The following HEXA variants were observed in gnomAD, a reference collection of about 807,000 sequenced individuals.
HEXA encodes the protein beta-hexosaminidase subunit alpha.
In HEXA, 54 loss-of-function variants were observed where a neutral mutation model predicts 73.3. The ratio of observed to expected loss-of-function variants is 0.74; its 90% CI spans 0.59 to 0.92. The LOEUF (loss-of-function observed/expected upper bound fraction) is 0.92, where lower values mean the gene tolerates loss of function less well. HEXA is among the 40% of genes least tolerant of loss of function. The pLI is 0.00. For synonymous variants in HEXA, 230 were observed against 246.9 expected (o/e 0.93, Z 0.64); for missense variants, 649 against 653.0 (o/e 0.99, Z 0.07).
chr15:72,352,461 A>G (rs1231371200), intron 5 of HEXA, among the ~76,000 whole-genome samples: 1 of 151,898 alleles, frequency 6.6e-6, no homozygotes, highest in East Asian at 1.9e-4. Context: ...AAAAAAAAAA[A>G]AAAATTGAGA....
intron 1 of HEXA, among the ~76,000 whole-genome samples, chr15:72,367,164 A>G (rs951547923): frequency 6.6e-6 from 1 of 152,078 alleles, no homozygotes; most frequent in African/African-American, 2.4e-5. Context: ...ACTGGTCTCG[A>G]ACTCTCGACC....
intron 13 of HEXA, 57 bp from the exon 14 acceptor site, chr15:72,344,197 C>T (rs367787802): frequency 5.0e-6 from 6 of 1,202,746 alleles, no homozygotes; most frequent in African/African-American, 4.5e-5. Context: ...GCCCCAGCAA[C>T]ACTTTTCACA....
intron 13 of HEXA, 59 bp from the exon 14 acceptor site, chr15:72,344,199 C>G (rs1402810131): frequency 2.9e-5 from 34 of 1,186,448 alleles, no homozygotes; most frequent in African/African-American, 4.5e-5. Flanking sequence ...CCCAGCAACA[C>G]TTTTCACACC....
chr15:72,368,004 A>G (rs944640205), intron 1 of HEXA, among the ~76,000 whole-genome samples: 6 of 152,038 alleles, frequency 3.9e-5, no homozygotes, highest in African/African-American at 1.4e-4. Flanking sequence ...CTGTATCCCC[A>G]CTTCCAGAAA....
At chr15:72,358,763 G>GT in intron 1 of HEXA, 1 of 152,390 alleles carries the variant, frequency 6.6e-6, no homozygotes, top group East Asian at 1.9e-4. Flanking sequence ...TGAGAGGGAT[G>GT]TTTGGGGGAG....
At chr15:72,361,149 G>A (rs2088848169) in intron 1 of HEXA, among the ~76,000 whole-genome samples, 1 of 152,136 alleles carries the variant, frequency 6.6e-6, no homozygotes, top group African/African-American at 2.4e-5. Context: ...TAAGTGCTGG[G>A]GATACAGCAG....
intron 1 of HEXA, among the ~76,000 whole-genome samples, chr15:72,363,231 G>A (rs2088873813): frequency 6.6e-6 from 1 of 152,174 alleles, no homozygotes; most frequent in Non-Finnish European, 1.5e-5. Context: ...GCTAGGTGCT[G>A]GGGCAGTTAA....
chr15:72,367,667 T>C lies in HEXA; in HGVS notation c.253+8053A>G, dbSNP rs532410477. On this transcript the variant is annotated intron_variant, in intron 1 of 13. Coordinates refer to ENST00000268097, the MANE Select transcript of HEXA (RefSeq NM_000520.6). The stretch of plus-strand genomic sequence containing the variant: ...TACCAGGGCTTATTAGGCCATTTCA[T>C]GACCTTTCCATCTATCACCTCTTTA... Among the ~76,000 whole-genome samples, 6 of 152,346 alleles carry C rather than the reference T, an allele frequency of 3.9e-5. No homozygotes were observed. The South Asian group carries it at 1.2e-3, about 32-fold the overall frequency.
intron 1 of HEXA, chr15:72,370,714 A>AAAAAAAG: frequency 2.3e-5 from 9 of 392,118 alleles, no homozygotes; most frequent in Admixed American, 1.4e-4. Context: ...AAAAAGAAAG[A>AAAAAAAG]AAAGAAAAGA....
At chr15:72,356,403 C>G (rs1238903786) in intron 2 of HEXA, 122 bp downstream of exon 2, 18 of 1,024,732 alleles carry the variant, frequency 1.8e-5, no homozygotes, top group Non-Finnish European at 2.5e-5. Flanking sequence ...CTTGGTGACC[C>G]TCGGTCCCCA....
At chr15:72,362,642 C>T (rs186999185) in intron 1 of HEXA, among the ~76,000 whole-genome samples, 107 of 152,340 alleles carry the variant, frequency 7.0e-4, no homozygotes, top group Middle Eastern at 3.4e-3. Flanking sequence ...CCCAGACTTA[C>T]ACAAAGTGCC....
chr15:72,347,795 AGCTCAGATG>A (rs1448095952), intron 9 of HEXA, 37 bp from the exon 10 acceptor site: 6 of 1,583,002 alleles, frequency 3.8e-6, no homozygotes, highest in Non-Finnish European at 5.2e-6. Context: ...GTGTCTGCTT[AGCTCAGATG>A]GGTTCTAGAC....
intron 3 of HEXA, chr15:72,354,510 CA>C (rs560103335): frequency 6.6e-6 from 1 of 152,346 alleles, no homozygotes; most frequent in Non-Finnish European, 1.5e-5. Flanking sequence ...GAGACCTCAG[CA>C]GTCACTCAGC....
intron 1 of HEXA, among the ~76,000 whole-genome samples, chr15:72,365,746 C>T (rs941794805): frequency 6.6e-6 from 1 of 152,132 alleles, no homozygotes; most frequent in Non-Finnish European, 1.5e-5. Context: ...TTGACTAATA[C>T]ATCTTTTCAC....
intron 1 of HEXA, among the ~76,000 whole-genome samples, chr15:72,369,432 T>C (rs1012400010): frequency 1.6e-4 from 25 of 152,188 alleles, no homozygotes; most frequent in African/African-American, 5.8e-4. Context: ...ATGATGCAAA[T>C]TGACTCTATT....
chr15:72,356,688 C>A, intron 1 of HEXA, 71 bp from the exon 2 acceptor site: 1 of 1,601,456 alleles, frequency 6.2e-7, no homozygotes, highest in Non-Finnish European at 8.5e-7. Flanking sequence ...AAGACCCTAG[C>A]TCTAGTCCCT....
At chr15:72,355,744 A>T in intron 2 of HEXA, 120 bp from the exon 3 acceptor site, 2 of 761,800 alleles carry the variant, frequency 2.6e-6, no homozygotes, top group Non-Finnish European at 2.3e-6. Context: ...CATATATTTT[A>T]AAAAATCTTT....
chr15:72,347,655 G>A (rs1369763175), intron 10 of HEXA, 31 bp downstream of exon 10: 1 of 1,584,032 alleles, frequency 6.3e-7, no homozygotes, highest in Non-Finnish European at 8.7e-7. Flanking sequence ...GGCACTGCTG[G>A]TGGCTTCTTC....
At chr15:72,350,473 G>A (rs112261002) in intron 7 of HEXA, 45 bp downstream of exon 7, 4 of 1,607,280 alleles carry the variant, frequency 2.5e-6, no homozygotes, top group South Asian at 1.1e-5. Flanking sequence ...GCTTCACTCT[G>A]AGCATAACAA....
Sources: allele counts gnomAD v4.1 joint callset (sites outside exome capture counted in the v4.1 genomes callset), GRCh38; gene constraint gnomAD v4.1.1; transcripts MANE v1.5; gene names NCBI Gene and HGNC (gene_info 2026-07-23, HGNC 2026-07-21).